UGT2B7: variants seen among roughly 807,000 people sequenced by gnomAD.
UGT2B7 encodes the protein UDP glucuronosyltransferase family 2 member B7, also known as UDP-glucuronosyltransferase 2B7.
In UGT2B7, 51 loss-of-function variants were observed where a neutral mutation model predicts 51.9. The observed-to-expected ratio is 0.98, with a 90% CI of 0.78 to 1.24. The LOEUF is 1.24. UGT2B7 is among the 50% of genes most tolerant of loss of function. UGT2B7 has a pLI of 0.00. For missense variants in UGT2B7, 727 were observed against 628.4 expected, an observed-to-expected ratio of 1.16 and a Z score of -1.68; for synonymous variants, 225 against 211.6, an observed-to-expected ratio of 1.06 and a Z score of -0.55.
chr4:69,096,787 C>T lies in UGT2B7; in HGVS notation c.267C>T (p.Phe89=), dbSNP rs757633354. 1 of 1,613,928 alleles carries T rather than the reference C, an allele frequency of 6.2e-7. No homozygotes were observed. Among genetic ancestry groups the T allele is most frequent in the Non-Finnish European group, 8.5e-7 (1 of 1,179,922 alleles). The stretch of plus-strand genomic sequence containing the variant: ...TAACTAAAACTGAGTTGGAGAATTT[C>T]ATCATGCAACAGATTAAGAGATGGT... ...TSLTKTELEN[F]IMQQIKRWSD... The change falls in exon 1 of 6, where the codon TTC becomes TTT. Residue 89 remains phenylalanine, a synonymous_variant. Transcript: ENST00000305231.
rs1719051810 is a variant in UGT2B7, at chr4:69,090,081, G to A, written c.-27+478G>A. 2.6e-5 allele frequency among the ~76,000 whole-genome samples: 4 copies of A among 152,114 alleles called. No homozygotes were observed. In the South Asian group the frequency reaches 8.3e-4, roughly 31 times the overall value. On this transcript the variant is annotated intron_variant, in intron 2 of 5. Coordinates refer to the UGT2B7 transcript ENST00000502942. Reference sequence around the variant, plus strand: ...AAAAGTAGAAGCTTAGATTCACGTAGTCTTTCTTATGAATTAGACTTTTCA... The same window carrying A: ...AAAAGTAGAAGCTTAGATTCACGTAATCTTTCTTATGAATTAGACTTTTCA...
At chr4:69,061,068 G>T (rs1718334571) in intron 1 of UGT2B7, among the ~76,000 whole-genome samples, 1 of 152,160 alleles carries the variant, frequency 6.6e-6, no homozygotes, top group African/African-American at 2.4e-5. Context: ...ACCAAACTGG[G>T]TATGCAGTGG....
chr4:69,083,863 CCTTT>C (rs931039009), intron 1 of UGT2B7, among the ~76,000 whole-genome samples: 1 of 87,886 alleles, frequency 1.1e-5, no homozygotes, highest in African/African-American at 7.2e-5. Context: ...CAGTGGATGA[CCTTT>C]CTTTTTTCTC....
At chr4:69,066,395 G>C (rs180724553) in intron 1 of UGT2B7, 1 of 151,902 alleles carries the variant, frequency 6.6e-6, no homozygotes, top group African/African-American at 2.4e-5. Context: ...TGTCTATATA[G>C]TTCTATGGAA....
At chr4:69,064,108 A>AGAG (rs1560499796) in intron 1 of UGT2B7, among the ~76,000 whole-genome samples, 3 of 94,296 alleles carry the variant, frequency 3.2e-5, no homozygotes, top group Admixed American at 1.1e-4. Flanking sequence ...GAAAGAAAGA[A>AGAG]AGAAAAAGAA....
chr4:69,104,526 A>C (rs1399020699), intron 3 of UGT2B7, among the ~76,000 whole-genome samples: 2 of 152,178 alleles, frequency 1.3e-5, no homozygotes, highest in Non-Finnish European at 2.9e-5. Flanking sequence ...GGAAAGCAAT[A>C]ATTTTCTCAG....
At chr4:69,062,857 T>C (rs1348461938) in intron 1 of UGT2B7, among the ~76,000 whole-genome samples, 1 of 152,176 alleles carries the variant, frequency 6.6e-6, no homozygotes, top group Non-Finnish European at 1.5e-5. Flanking sequence ...CCAGTAATCT[T>C]CTTTGTATTA....
intron 1 of UGT2B7, among the ~76,000 whole-genome samples, chr4:69,060,905 C>T (rs3922514): frequency 0.46 from 70,450 of 152,054 alleles, 17,907 homozygotes; most frequent in African/African-American, 0.67. Flanking sequence ...ACCTTGCTCC[C>T]CATTGAATCA....
chr4:69,074,442 AT>A (rs562801288), intron 1 of UGT2B7, among the ~76,000 whole-genome samples: 22,538 of 148,056 alleles, frequency 0.15, 2,140 homozygotes, highest in Admixed American at 0.27. Context: ...ATATATATAT[AT>A]ATAAATTAAA....
At chr4:69,106,417 CA>C (rs1719601213) in intron 3 of UGT2B7, among the ~76,000 whole-genome samples, 1 of 152,078 alleles carries the variant, frequency 6.6e-6, no homozygotes, top group African/African-American at 2.4e-5. Flanking sequence ...CATATCCCTG[CA>C]AAATACATAA....
At chr4:69,108,888 A>G (rs1180717713) in intron 5 of UGT2B7, among the ~76,000 whole-genome samples, 1 of 152,096 alleles carries the variant, frequency 6.6e-6, no homozygotes, top group Admixed American at 6.6e-5. Flanking sequence ...AACTGCAATG[A>G]CACAGAAGTC....
intron 5 of UGT2B7, 91 bp downstream of exon 5, chr4:69,108,413 C>T: frequency 2.2e-6 from 3 of 1,379,356 alleles, no homozygotes; most frequent in Non-Finnish European, 2.9e-6. Context: ...TTATAAGAGA[C>T]TAATTTTGAA....
chr4:69,107,059 G>A (rs5013211), intron 3 of UGT2B7, 116 bp from the exon 4 acceptor site: 591,343 of 1,133,354 alleles, frequency 0.52, 159,434 homozygotes, highest in African/African-American at 0.77. Flanking sequence ...ATTAGTCTTT[G>A]AGTAGTTCTT....
chr4:69,067,994 A>G (rs1286514062), intron 1 of UGT2B7, among the ~76,000 whole-genome samples: 2 of 152,058 alleles, frequency 1.3e-5, no homozygotes, highest in Non-Finnish European at 2.9e-5. Flanking sequence ...CAGAATGAGA[A>G]CTCATCAAAT....
At chr4:69,101,948 C>T (rs1235491684) in intron 2 of UGT2B7, among the ~76,000 whole-genome samples, 1 of 152,102 alleles carries the variant, frequency 6.6e-6, no homozygotes, top group Non-Finnish European at 1.5e-5. Flanking sequence ...GCCTCTGAGA[C>T]ACAACAAAGT....
intron 3 of UGT2B7, among the ~76,000 whole-genome samples, chr4:69,106,943 T>C (rs1370606108): frequency 3.9e-5 from 6 of 152,142 alleles, no homozygotes; most frequent in East Asian, 1.9e-4. Flanking sequence ...GAAATTTTCA[T>C]TGATAATCTG....
At chr4:69,053,792 C>T (rs1396178938) in intron 1 of UGT2B7, among the ~76,000 whole-genome samples, 3 of 152,110 alleles carry the variant, frequency 2.0e-5, no homozygotes, top group Non-Finnish European at 4.4e-5. Flanking sequence ...CATCCCCGAG[C>T]AGATGTGTGG....
At chr4:69,106,601 C>T (rs4351080) in intron 3 of UGT2B7, among the ~76,000 whole-genome samples, 89,778 of 151,888 alleles carry the variant, frequency 0.59, 27,887 homozygotes, top group African/African-American at 0.77. Context: ...ATTTATAGTC[C>T]GTTGGTTATA....
At chr4:69,110,280 T>C (rs1275346657) in intron 5 of UGT2B7, among the ~76,000 whole-genome samples, 1 of 152,002 alleles carries the variant, frequency 6.6e-6, no homozygotes, top group Admixed American at 6.6e-5. Flanking sequence ...TATAATAAGG[T>C]TCAATATCAT....
Sources: gnomAD v4.1 joint callset for allele counts (sites outside exome capture counted in the v4.1 genomes callset) on GRCh38, gnomAD v4.1.1 for gene constraint, MANE v1.5 for transcripts, NCBI Gene and HGNC (gene_info 2026-07-23, HGNC 2026-07-21) for gene names.